FAM13A: variants seen among roughly 807,000 people sequenced by gnomAD.
FAM13A encodes the protein protein FAM13A.
FAM13A carries 76 observed loss-of-function variants against 129.6 expected under a neutral mutation model. The ratio of observed to expected loss-of-function variants is 0.59; its 90% CI spans 0.49 to 0.71. The LOEUF (loss-of-function observed/expected upper bound fraction) is 0.71, where lower values mean the gene tolerates loss of function less well. Among genes scored for constraint, FAM13A ranks in the 30% least tolerant of loss-of-function variants. The pLI, the probability that FAM13A is intolerant of heterozygous loss-of-function variation, is 0.00. For synonymous variants in FAM13A, 443 were observed against 449.9 expected, an observed-to-expected ratio of 0.98 and a Z score of 0.20; for missense variants, 1,108 against 1,249.3, an observed-to-expected ratio of 0.89 and a Z score of 1.70.
chr4:88,734,172 A>ATT (rs890791722), intron 21 of FAM13A, among the ~76,000 whole-genome samples: 1 of 152,004 alleles, frequency 6.6e-6, no homozygotes, highest in African/African-American at 2.4e-5. Flanking sequence ...AAAATGAACC[A>ATT]TTTTTCCTTT....
Position 88,727,101 on chromosome 4 carries a change from TC to T in FAM13A, c.*1431del, listed in dbSNP as rs1736611970. On this transcript the variant is annotated 3_prime_UTR_variant, in exon 24 of 24. Transcript: ENST00000264344. ...ACTGTGCCCTTTCAGAAGGCAACTTTCAAAACATACGAGGGTGCCTCTGCTG... is the reference window on the plus strand; with the variant it reads ...ACTGTGCCCTTTCAGAAGGCAACTTTAAAACATACGAGGGTGCCTCTGCTG... 6.6e-6 allele frequency: 1 copy of T among 152,344 alleles called. No homozygotes were observed. Among genetic ancestry groups the T allele is most frequent in the Non-Finnish European group, 1.5e-5 (1 of 68,044 alleles). 9.4% of individuals were successfully genotyped at this position (152,344 alleles called of 1,614,324 possible).
intron 7 of FAM13A, among the ~76,000 whole-genome samples, chr4:88,811,809 T>TTAACG (rs1289569665): frequency 6.6e-6 from 1 of 152,194 alleles, no homozygotes; most frequent in Non-Finnish European, 1.5e-5. Context: ...ACTGTTTTCC[T>TTAACG]TAACGACTTT....
intron 13 of FAM13A, among the ~76,000 whole-genome samples, chr4:88,760,824 T>C (rs933970560): frequency 6.6e-6 from 1 of 150,380 alleles, no homozygotes; most frequent in Non-Finnish European, 1.5e-5. Flanking sequence ...TTACCAATCA[T>C]GAGTGTGCCT....
chr4:88,899,924 T>A (rs1157887040), intron 6 of FAM13A, among the ~76,000 whole-genome samples: 1 of 152,058 alleles, frequency 6.6e-6, no homozygotes, highest in Non-Finnish European at 1.5e-5. Flanking sequence ...AACAGCCAGT[T>A]TAGAGAGGAA....
chr4:88,939,731 A>G (rs1437395656), intron 4 of FAM13A, among the ~76,000 whole-genome samples: 1 of 152,180 alleles, frequency 6.6e-6, no homozygotes. Context: ...GAAGTGAGAG[A>G]TTCTCCCATC....
chr4:88,887,499 T>G (rs2150147683), intron 6 of FAM13A, among the ~76,000 whole-genome samples: 1 of 151,874 alleles, frequency 6.6e-6, no homozygotes, highest in Middle Eastern at 3.4e-3. Context: ...CTCTGGTAAT[T>G]ATCATTTGGT....
At chr4:88,998,836 C>T (rs879631714) in intron 3 of FAM13A, among the ~76,000 whole-genome samples, 1 of 152,112 alleles carries the variant, frequency 6.6e-6, no homozygotes, top group Non-Finnish European at 1.5e-5. Flanking sequence ...CTTATATAGG[C>T]AACAGAATTT....
chr4:88,756,745 T>C (rs1560906524), intron 14 of FAM13A, among the ~76,000 whole-genome samples: 1 of 152,222 alleles, frequency 6.6e-6, no homozygotes, highest in Non-Finnish European at 1.5e-5. Flanking sequence ...CTTATTGCTC[T>C]CGTTTTATGC....
chr4:88,735,541 T>C (rs1258642198), intron 21 of FAM13A, among the ~76,000 whole-genome samples: 2 of 152,140 alleles, frequency 1.3e-5, no homozygotes, highest in Non-Finnish European at 2.9e-5. Flanking sequence ...TTCTTTGGGT[T>C]GGAAAATCTA....
intron 1 of FAM13A, among the ~76,000 whole-genome samples, chr4:89,035,539 G>T (rs767056374): frequency 2.0e-5 from 3 of 152,080 alleles, no homozygotes; most frequent in Admixed American, 6.6e-5. Context: ...GAGGTGCCAA[G>T]AAAAGAAAAT....
chr4:89,047,265 GT>G (rs1410329511), intron 1 of FAM13A, among the ~76,000 whole-genome samples: 1 of 151,752 alleles, frequency 6.6e-6, no homozygotes, highest in African/African-American at 2.4e-5. Flanking sequence ...ATATTAAGTG[GT>G]TTTTTTTGGG....
At chr4:89,020,437 C>G in intron 3 of FAM13A, 23 bp downstream of exon 3, 6 of 1,593,968 alleles carry the variant, frequency 3.8e-6, no homozygotes, top group Non-Finnish European at 5.2e-6. Context: ...GTTTTAACTC[C>G]TAAAAGGATT....
intron 6 of FAM13A, among the ~76,000 whole-genome samples, chr4:88,858,393 A>G (rs1738908097): frequency 6.6e-6 from 1 of 152,226 alleles, no homozygotes; most frequent in South Asian, 2.1e-4. Flanking sequence ...GACTTTAACA[A>G]ATTTTCATTC....
intron 6 of FAM13A, among the ~76,000 whole-genome samples, chr4:88,853,096 T>C (rs79890286): frequency 0.013 from 1,980 of 152,300 alleles, 51 homozygotes; most frequent in African/African-American, 0.045. Context: ...CAATTAATTT[T>C]TCATGACATT....
intron 4 of FAM13A, among the ~76,000 whole-genome samples, chr4:88,973,090 C>T (rs960353932): frequency 2.7e-5 from 4 of 147,776 alleles, no homozygotes; most frequent in African/African-American, 1.0e-4. Context: ...TCTTTCAGAA[C>T]TTTTGATCTT....
At chr4:88,939,407 C>T (rs780474434) in intron 4 of FAM13A, among the ~76,000 whole-genome samples, 6 of 152,124 alleles carry the variant, frequency 3.9e-5, no homozygotes, top group Admixed American at 1.3e-4. Context: ...TAAGGATACA[C>T]GTGATTGCAT....
At chr4:88,817,370 C>A (rs1422530591) in intron 7 of FAM13A, among the ~76,000 whole-genome samples, 1 of 152,020 alleles carries the variant, frequency 6.6e-6, no homozygotes, top group African/African-American at 2.4e-5. Flanking sequence ...TGAGACTAGC[C>A]TGGCCAACAT....
chr4:88,979,009 A>G (rs1179224964), intron 4 of FAM13A, among the ~76,000 whole-genome samples: 1 of 152,226 alleles, frequency 6.6e-6, no homozygotes, highest in Non-Finnish European at 1.5e-5. Context: ...AGGAACTCCT[A>G]CAAATCAGTC....
chr4:88,754,883 G>A (rs1360655895), intron 14 of FAM13A, among the ~76,000 whole-genome samples: 1 of 152,134 alleles, frequency 6.6e-6, no homozygotes, highest in African/African-American at 2.4e-5. Flanking sequence ...TGTGGAACAG[G>A]ATAGGGCTGA....
Sources: gnomAD v4.1 joint callset for allele counts (sites outside exome capture counted in the v4.1 genomes callset) on GRCh38, gnomAD v4.1.1 for gene constraint, MANE v1.5 for transcripts, NCBI Gene and HGNC (gene_info 2026-07-23, HGNC 2026-07-21) for gene names.